Variants in CRIM1 observed in about 807,000 individuals in gnomAD.
CRIM1 encodes cysteine rich transmembrane BMP regulator 1, also known as cysteine-rich motor neuron 1 protein.
A neutral mutation model predicts 116.4 loss-of-function variants in CRIM1; 32 were observed. The ratio of observed to expected loss-of-function variants is 0.27; its 90% CI spans 0.21 to 0.37. The LOEUF is 0.37. Among genes scored for constraint, CRIM1 ranks in the 10% least tolerant of loss-of-function variants. CRIM1 has a pLI of 1.00. For synonymous variants in CRIM1, 590 were observed against 509.2 expected (o/e 1.16, Z -2.13); for missense variants, 1,331 against 1,354.8 (o/e 0.98, Z 0.28).
Position 36,537,360 on chromosome 2 carries a change from A to G in CRIM1, c.2437A>G (p.Ile813Val), listed in dbSNP as rs550010785. The G allele has an allele frequency of 3.1e-6, 5 of 1,614,172 alleles. No homozygotes were observed. The African/African-American group carries it at 4.0e-5, about 13-fold the overall frequency. ...GCTGTTCTTTTCACTAGAAGACACA[A>G]TTCCAAAGAAGGTGGTGTGCCACTT... ...QCCPYCIEDT[I>V]PKKVVCHFSG... The change falls in exon 14 of 17, where the codon ATT becomes GTT. Residue 813 changes from isoleucine to valine, a missense_variant. This residue lies in a region of CRIM1 where 358 missense variants were observed against 436.1 expected (regional missense o/e 0.82). Transcript: ENST00000280527.
chr2:36,537,959 C>T (rs1666669724), intron 14 of CRIM1, among the ~76,000 whole-genome samples: 1 of 152,174 alleles, frequency 6.6e-6, no homozygotes. Flanking sequence ...AGTGGAAGAC[C>T]TGCATTTAAA....
intron 4 of CRIM1, among the ~76,000 whole-genome samples, chr2:36,451,696 G>T (rs753705583): frequency 6.6e-6 from 1 of 152,126 alleles, no homozygotes; most frequent in Non-Finnish European, 1.5e-5. Flanking sequence ...ATAACTCTGC[G>T]GTTTGAAGCC....
intron 5 of CRIM1, among the ~76,000 whole-genome samples, chr2:36,472,977 G>A (rs185224305): frequency 6.6e-6 from 1 of 152,244 alleles, no homozygotes; most frequent in Admixed American, 6.5e-5. Context: ...CACTAAGGAA[G>A]GAGTTTAAAC....
chr2:36,401,557 A>C (rs905499018), intron 2 of CRIM1, among the ~76,000 whole-genome samples: 2 of 152,214 alleles, frequency 1.3e-5, no homozygotes, highest in African/African-American at 4.8e-5. Flanking sequence ...GCCAGCCTCT[A>C]TAGCGCCAGC....
intron 4 of CRIM1, among the ~76,000 whole-genome samples, chr2:36,451,611 G>C (rs1276872744): frequency 1.3e-5 from 2 of 152,150 alleles, no homozygotes; most frequent in Admixed American, 6.6e-5. Context: ...TTAGTGCTCT[G>C]TGTGCTCAAA....
At position 36,494,269 on chromosome 2, in the gene CRIM1, A is replaced by G. The variant is rs115756729; in HGVS notation, c.1373-4950A>G. Among the ~76,000 whole-genome samples, 106 of 152,314 alleles carry G rather than the reference A, an allele frequency of 7.0e-4. 1 individual carries two copies. Among genetic ancestry groups the G allele is most frequent in the African/African-American group, 2.5e-3 (103 of 41,582 alleles). ...GCTCCTAGGAAATATGTGAGCATCA[A>G]TATAAAATACCGATGGTGTTTTTCA... is the stretch of plus-strand genomic sequence containing the variant. On this transcript the variant is annotated intron_variant, in intron 7 of 16. Transcript: ENST00000280527.
At chr2:36,371,050 T>C (rs1669910808) in intron 1 of CRIM1, among the ~76,000 whole-genome samples, 1 of 152,148 alleles carries the variant, frequency 6.6e-6, no homozygotes, top group African/African-American at 2.4e-5. Context: ...GGTCAACACA[T>C]TCTTCTTAAT....
At chr2:36,395,778 A>G (rs935694385) in intron 1 of CRIM1, among the ~76,000 whole-genome samples, 1 of 152,098 alleles carries the variant, frequency 6.6e-6, no homozygotes, top group Non-Finnish European at 1.5e-5. Flanking sequence ...GCAGTGATGG[A>G]TACTATCAGT....
chr2:36,357,113 C>G (rs908751354), intron 1 of CRIM1, among the ~76,000 whole-genome samples: 1 of 152,228 alleles, frequency 6.6e-6, no homozygotes, highest in Admixed American at 6.5e-5. Flanking sequence ...AGCTCGCACT[C>G]CCCGAGTGAC....
At chr2:36,490,730 G>C (rs1465830453) in intron 7 of CRIM1, among the ~76,000 whole-genome samples, 1 of 151,962 alleles carries the variant, frequency 6.6e-6, no homozygotes, top group African/African-American at 2.4e-5. Context: ...TCCCACCTAG[G>C]GACATTACTC....
At chr2:36,476,117 A>G (rs1355766270) in intron 5 of CRIM1, among the ~76,000 whole-genome samples, 1 of 152,060 alleles carries the variant, frequency 6.6e-6, no homozygotes, top group East Asian at 1.9e-4. Context: ...AGGCAGAGAA[A>G]AATTTAAAAA....
Position 36,479,483 on chromosome 2 carries a change from A to C in CRIM1, c.1175-14A>C, listed in dbSNP as rs551904478. 3.6e-5 allele frequency: 58 copies of C among 1,613,268 alleles called. No individual in the cohort carries two copies. The East Asian group carries it at 3.8e-4, about 11-fold the overall frequency. On this transcript the variant is annotated splice_polypyrimidine_tract_variant and intron_variant, in intron 6 of 16. Coordinates refer to ENST00000280527, the MANE Select transcript of CRIM1 (RefSeq NM_016441.3). ...AGATGCTCAGTCTAACTCTGAACTC[A>C]TGTTCTCATTTAGATCCAGTGTATC...
chr2:36,546,025 G>C (rs752077807), intron 15 of CRIM1, among the ~76,000 whole-genome samples: 108 of 152,156 alleles, frequency 7.1e-4, no homozygotes, highest in African/African-American at 1.7e-3. Context: ...AACACACACA[G>C]AAGCATATCA....
At chr2:36,492,943 C>T (rs1680336101) in intron 7 of CRIM1, among the ~76,000 whole-genome samples, 2 of 152,124 alleles carry the variant, frequency 1.3e-5, no homozygotes, top group Admixed American at 1.3e-4. Flanking sequence ...TTTTGTCTCT[C>T]ATAATCAAAT....
intron 5 of CRIM1, among the ~76,000 whole-genome samples, chr2:36,474,058 G>A (rs1678761775): frequency 6.6e-6 from 1 of 152,124 alleles, no homozygotes; most frequent in South Asian, 2.1e-4. Flanking sequence ...GTGAAATGGT[G>A]TTCATTGCAG....
At chr2:36,512,528 C>T (rs927881126) in intron 10 of CRIM1, 134 bp downstream of exon 10, 1 of 911,396 alleles carries the variant, frequency 1.1e-6, no homozygotes. Flanking sequence ...CTCTGTGGGA[C>T]CGTCCCACAG....
chr2:36,466,364 C>T (rs1371284547), intron 5 of CRIM1, among the ~76,000 whole-genome samples: 1 of 152,120 alleles, frequency 6.6e-6, no homozygotes, highest in East Asian at 1.9e-4. Context: ...CGGTGCTTCT[C>T]CCCACTCTGG....
At chr2:36,540,009 C>T (rs923324958) in intron 14 of CRIM1, among the ~76,000 whole-genome samples, 1 of 152,034 alleles carries the variant, frequency 6.6e-6, no homozygotes, top group African/African-American at 2.4e-5. Context: ...AGCCCTGAGA[C>T]CTTCTGACTT....
intron 7 of CRIM1, among the ~76,000 whole-genome samples, chr2:36,487,997 A>G (rs1679958273): frequency 6.6e-6 from 1 of 152,150 alleles, no homozygotes. Context: ...TTCTAATATA[A>G]TTTATTTTTA....
Sources: gnomAD v4.1 joint callset for allele counts (sites outside exome capture counted in the v4.1 genomes callset) on GRCh38, gnomAD v4.1.1 for gene constraint, gnomAD v4.1.1 regional missense constraint, MANE v1.5 for transcripts, NCBI Gene and HGNC (gene_info 2026-07-23, HGNC 2026-07-21) for gene names.